CADM1: variants seen among roughly 807,000 people sequenced by gnomAD.
CADM1 encodes the protein cell adhesion molecule 1.
CADM1 carries 15 observed loss-of-function variants against 53.1 expected under a neutral mutation model. That is an observed-to-expected ratio of 0.28 (90% confidence interval 0.19 to 0.44). CADM1 has a LOEUF of 0.44. Ranked by LOEUF, CADM1 falls within the 20% of genes least tolerant of loss-of-function variation. The pLI, the probability that CADM1 is intolerant of heterozygous loss-of-function variation, is 1.00. For missense variants in CADM1, 434 were observed against 611.3 expected (o/e 0.71, Z 3.06); for synonymous variants, 281 against 243.0 (o/e 1.16, Z -1.45).
At chr11:115,270,303 A>T (rs1943261569) in intron 1 of CADM1, among the ~76,000 whole-genome samples, 1 of 152,238 alleles carries the variant, frequency 6.6e-6, no homozygotes, top group Admixed American at 6.5e-5. Context: ...CCTATGATAA[A>T]GGCAGTTCTG....
intron 1 of CADM1, among the ~76,000 whole-genome samples, chr11:115,291,312 C>T (rs1191885874): frequency 6.6e-6 from 1 of 152,142 alleles, no homozygotes; most frequent in African/African-American, 2.4e-5. Context: ...TTTCTTTCTC[C>T]AGAGGCTTTG....
chr11:115,228,664 G>A (rs983373162), intron 5 of CADM1, among the ~76,000 whole-genome samples: 3 of 152,068 alleles, frequency 2.0e-5, no homozygotes, highest in East Asian at 1.9e-4. Flanking sequence ...CCAAAGAGTC[G>A]ACTTTTCAAC....
At chr11:115,493,810 C>T (rs1949550667) in intron 1 of CADM1, among the ~76,000 whole-genome samples, 1 of 151,994 alleles carries the variant, frequency 6.6e-6, no homozygotes, top group African/African-American at 2.4e-5. Context: ...CAGGTGGATT[C>T]ATCAAAATGT....
chr11:115,374,820 A>G (rs1358139931), intron 1 of CADM1, among the ~76,000 whole-genome samples: 1 of 152,282 alleles, frequency 6.6e-6, no homozygotes, highest in South Asian at 2.1e-4. Context: ...TTCGAGGGAG[A>G]AAAAAGGGAT....
chr11:115,183,948 C>T (rs946476375), intron 10 of CADM1, among the ~76,000 whole-genome samples: 1 of 152,154 alleles, frequency 6.6e-6, no homozygotes, highest in African/African-American at 2.4e-5. Flanking sequence ...TTTTTTGCAA[C>T]AGTTCTGTCA....
chr11:115,487,852 T>C (rs527874095), intron 1 of CADM1, among the ~76,000 whole-genome samples: 137 of 152,328 alleles, frequency 9.0e-4, no homozygotes, highest in Non-Finnish European at 1.6e-3. Context: ...ACCAATCATA[T>C]ACTATACATT....
At position 115,201,513 on chromosome 11, in the gene CADM1, A is replaced by G. The variant is rs559315262; in HGVS notation, c.1079-3075T>C. ...GGATTTATTAGGGTATCTTAATCAG[A>G]AAACTGGAGAAATGTGCAAACACAC... On this transcript the variant is annotated intron_variant, in intron 8 of 11. Coordinates refer to ENST00000331581, the MANE Select transcript of CADM1 (RefSeq NM_001301043.2). 7.1e-4 allele frequency among the ~76,000 whole-genome samples: 108 copies of G among 152,322 alleles called. 1 individual carries two copies. The highest frequency in any genetic ancestry group is 6.5e-4 in the Non-Finnish European group (44 of 68,030).
chr11:115,232,629 A>G (rs960887431), intron 3 of CADM1, among the ~76,000 whole-genome samples: 5 of 152,222 alleles, frequency 3.3e-5, no homozygotes, highest in South Asian at 2.1e-4. Context: ...TATCAAATCA[A>G]GAGTATGTAG....
intron 1 of CADM1, among the ~76,000 whole-genome samples, chr11:115,351,741 T>C (rs1010955449): frequency 2.0e-5 from 3 of 152,138 alleles, no homozygotes; most frequent in Non-Finnish European, 4.4e-5. Flanking sequence ...ACAGTAGTAA[T>C]ATAAAACCTA....
chr11:115,252,745 TA>T (rs199833538), intron 1 of CADM1, among the ~76,000 whole-genome samples: 123 of 146,344 alleles, frequency 8.4e-4, no homozygotes, highest in East Asian at 5.4e-3. Context: ...CTGTAAAACC[TA>T]AAAAAAAAAA....
At chr11:115,455,064 G>A (rs1948653565) in intron 1 of CADM1, among the ~76,000 whole-genome samples, 1 of 152,080 alleles carries the variant, frequency 6.6e-6, no homozygotes, top group African/African-American at 2.4e-5. Flanking sequence ...GGTGAGACTG[G>A]AAAAAGCCTC....
intron 5 of CADM1, 104 bp from the exon 6 acceptor site, chr11:115,218,095 C>G: frequency 1.3e-6 from 1 of 753,678 alleles, no homozygotes; most frequent in South Asian, 1.5e-5. Flanking sequence ...CTTACTCTCT[C>G]CCATCCGATG....
intron 1 of CADM1, among the ~76,000 whole-genome samples, chr11:115,452,712 G>A (rs1419239123): frequency 6.6e-6 from 1 of 152,136 alleles, no homozygotes; most frequent in Non-Finnish European, 1.5e-5. Context: ...CAACTTGGAA[G>A]AATAATAGAA....
intron 1 of CADM1, among the ~76,000 whole-genome samples, chr11:115,277,673 C>T (rs1217682939): frequency 6.6e-6 from 1 of 152,068 alleles, no homozygotes; most frequent in African/African-American, 2.4e-5. Context: ...GAGAGACTGC[C>T]TTTTGTAATA....
At chr11:115,405,163 T>A (rs569567121) in intron 1 of CADM1, among the ~76,000 whole-genome samples, 1 of 152,136 alleles carries the variant, frequency 6.6e-6, no homozygotes, top group African/African-American at 2.4e-5. Context: ...CTGTTGCCCA[T>A]GCTGGTCTCA....
intron 5 of CADM1, among the ~76,000 whole-genome samples, chr11:115,228,784 A>AT (rs1242664804): frequency 6.6e-6 from 1 of 152,194 alleles, no homozygotes; most frequent in Non-Finnish European, 1.5e-5. Context: ...TTATGATGGG[A>AT]TAAAAAAAGG....
chr11:115,376,128 C>A (rs1454103365), intron 1 of CADM1, among the ~76,000 whole-genome samples: 1 of 152,026 alleles, frequency 6.6e-6, no homozygotes, highest in Non-Finnish European at 1.5e-5. Flanking sequence ...AGATTTGAAT[C>A]CTGGTTCATC....
intron 1 of CADM1, among the ~76,000 whole-genome samples, chr11:115,426,726 C>A (rs750299535): frequency 1.3e-5 from 2 of 152,122 alleles, no homozygotes; most frequent in Admixed American, 6.5e-5. Flanking sequence ...CCCCTCTGGG[C>A]CCCTCCACAG....
At chr11:115,219,670 G>T (rs900434313) in intron 5 of CADM1, among the ~76,000 whole-genome samples, 12 of 152,140 alleles carry the variant, frequency 7.9e-5, no homozygotes, top group African/African-American at 2.9e-4. Flanking sequence ...TGCTTGTAAA[G>T]GATAAACAGG....
Sources: allele counts gnomAD v4.1 joint callset (sites outside exome capture counted in the v4.1 genomes callset), GRCh38; gene constraint gnomAD v4.1.1; transcripts MANE v1.5; gene names NCBI Gene and HGNC (gene_info 2026-07-23, HGNC 2026-07-21).